The following TOP1 variants were observed in gnomAD, a reference collection of about 807,000 sequenced individuals.
The protein encoded by TOP1 is DNA topoisomerase I, also known as DNA topoisomerase 1.
A neutral mutation model predicts 111.1 loss-of-function variants in TOP1; 10 were observed. The ratio of observed to expected loss-of-function variants is 0.09; its 90% confidence interval spans 0.06 to 0.15. TOP1 has a LOEUF of 0.15. Ranked by LOEUF, TOP1 falls within the 10% of genes least tolerant of loss-of-function variation. The pLI, the probability that TOP1 is intolerant of heterozygous loss-of-function variation, is 1.00. For missense variants in TOP1, 474 were observed against 926.7 expected (o/e 0.51, Z 6.34); for synonymous variants, 271 against 302.9 (o/e 0.89, Z 1.10).
chr20:41,041,553 T>C (rs2033265080), intron 2 of TOP1, among the ~76,000 whole-genome samples: 1 of 152,076 alleles, frequency 6.6e-6, no homozygotes, highest in African/African-American at 2.4e-5. Context: ...CCCCAGCTGG[T>C]TGAAGATCAA....
intron 4 of TOP1, among the ~76,000 whole-genome samples, chr20:41,076,642 G>T (rs2033730557): frequency 6.6e-6 from 1 of 152,116 alleles, no homozygotes. Context: ...TAGTGATGCT[G>T]GTGTCTTTTG....
chr20:41,122,220 G>A lies in TOP1; in HGVS notation c.2195+65G>A, dbSNP rs916155846. ...AAGAAAGGTGGAGGGGGTTCCGAGA[G>A]CACTGGTGGCCTTCACATGCCATTC... is the stretch of plus-strand genomic sequence containing the variant. On this transcript the variant is annotated intron_variant, in intron 20 of 20. Transcript: ENST00000361337. The surrounding 1 kb of genome is among the most constrained non-coding windows in gnomAD (Gnocchi z 5.4). 5.8e-6 allele frequency: 9 copies of A among 1,550,632 alleles called. No individual in the cohort carries two copies. In the East Asian group the frequency reaches 2.0e-4, roughly 35 times the overall value.
intron 2 of TOP1, among the ~76,000 whole-genome samples, chr20:41,054,112 G>C (rs2033439078): frequency 6.6e-6 from 1 of 152,114 alleles, no homozygotes; most frequent in Non-Finnish European, 1.5e-5. Context: ...ATTTAGTAAA[G>C]GATACTGATA....
At position 41,029,344 on chromosome 20, in the gene TOP1, G is replaced by T; in HGVS notation, c.34-87G>T. The T allele has an allele frequency of 1.6e-6, 2 of 1,267,488 alleles. No individual in the cohort carries two copies. The highest frequency in any genetic ancestry group is 1.6e-5 in the South Asian group (1 of 61,074). 78.5% of individuals were successfully genotyped at this position (1,267,488 alleles called of 1,614,324 possible). A position where few individuals can be genotyped will look rare whatever the true frequency, so the allele number is the denominator to read the frequency against. On this transcript the variant is annotated intron_variant, in intron 1 of 20. Coordinates refer to ENST00000361337, the MANE Select transcript of TOP1 (RefSeq NM_003286.4). The surrounding 1 kb of genome is among the most constrained non-coding windows in gnomAD (Gnocchi z 6.1). The stretch of plus-strand genomic sequence containing the variant: ...GGTCCCCGTCCTCCCCGGGGGCGCA[G>T]GGTGAGCCAGACCCCGGCCGCGCGC...
At chr20:41,091,441 AAT>A (rs2145945289) in intron 8 of TOP1, among the ~76,000 whole-genome samples, 1 of 152,262 alleles carries the variant, frequency 6.6e-6, no homozygotes, top group Admixed American at 6.5e-5. Flanking sequence ...TATGTGGAAG[AAT>A]ATTATTTTTA....
Position 41,114,464 on chromosome 20 carries a change from G to A in TOP1, c.1638+309G>A, listed in dbSNP as rs1015084328. Among the ~76,000 whole-genome samples the A allele has an allele frequency of 6.6e-6, 1 of 152,188 alleles. No individual in the cohort carries two copies. Among genetic ancestry groups the A allele is most frequent in the African/African-American group, 2.4e-5 (1 of 41,450 alleles). On this transcript the variant is annotated intron_variant, in intron 15 of 20. Coordinates refer to ENST00000361337, the MANE Select transcript of TOP1 (RefSeq NM_003286.4). This position sits in a 1 kb window ranked among gnomAD's most constrained non-coding sequence, Gnocchi z 4.5. ...ATAAAAATAAATGACTTGAAAGAGG[G>A]GAGAGGTATTATTTGATATCTTGTG...
Position 41,118,161 on chromosome 20 carries a change from C to G in TOP1, c.1823-8C>G. On this transcript the variant is annotated splice_polypyrimidine_tract_variant and splice_region_variant and intron_variant, in intron 17 of 20. Transcript: ENST00000361337. The surrounding 1 kb of genome is among the most constrained non-coding windows in gnomAD (Gnocchi z 4.6). The stretch of plus-strand genomic sequence containing the variant: ...GACCCTCTTGCTACCATGTTCCTTT[C>G]TTTACAGCGGATGAGAACATCCCAG... The G allele has an allele frequency of 6.2e-7, 1 of 1,613,150 alleles. No homozygotes were observed.
rs1318157264 is a variant in TOP1 at position 41,084,513 on chromosome 20, G to C, written c.559G>C (p.Glu187Gln). 1 of 1,580,758 alleles carries C rather than the reference G, an allele frequency of 6.3e-7. No homozygotes were observed. Among genetic ancestry groups the C allele is most frequent in the African/African-American group, 1.4e-5 (1 of 73,662 alleles). The change falls in exon 8 of 21, where the codon GAG (glutamate) becomes CAG (glutamine). Residue 187 changes from glutamate to glutamine, a missense_variant. This residue lies in a region of TOP1 where 185 missense variants were observed against 226.3 expected (regional missense o/e 0.82). Transcript: ENST00000361337. ...TAAAGATAAAGATAAAAAAGTTCCT[G>C]AGCCAGATAACAAGAAAAAGAAGCC... ...KNKDKDKKVP[E>Q]PDNKKKKPKK...
chr20:41,029,483 G>A lies in TOP1; in HGVS notation c.58+28G>A. 6.4e-7 allele frequency: 1 copy of A among 1,552,806 alleles called. No individual in the cohort carries two copies. The highest frequency in any genetic ancestry group is 2.0e-5 in the Admixed American group (1 of 50,982). On this transcript the variant is annotated intron_variant, in intron 2 of 20. Coordinates refer to ENST00000361337, the MANE Select transcript of TOP1 (RefSeq NM_003286.4). This position sits in a 1 kb window ranked among gnomAD's most constrained non-coding sequence, Gnocchi z 6.1. ...GAGTGTGCCCCCTGCGCCGACTCCG[G>A]GGCCCCCCAGCCGCCGGCCGCCTCC...
Position 41,067,932 on chromosome 20 carries a change from G to A in TOP1, c.155+6442G>A, listed in dbSNP as rs1262608966. 6.6e-6 allele frequency among the ~76,000 whole-genome samples: 1 copy of A among 152,184 alleles called. No homozygotes were observed. Among genetic ancestry groups the A allele is most frequent in the African/African-American group, 2.4e-5 (1 of 41,438 alleles). ...TAGGTATTAAGAATCATTTCATCTTGTCTTCTCTTTGTGTGGACAGGAGTC... is the reference window on the plus strand; with the variant it reads ...TAGGTATTAAGAATCATTTCATCTTATCTTCTCTTTGTGTGGACAGGAGTC... On this transcript the variant is annotated intron_variant, in intron 3 of 20. Coordinates refer to ENST00000361337, the MANE Select transcript of TOP1 (RefSeq NM_003286.4). The surrounding 1 kb of genome is among the most constrained non-coding windows in gnomAD (Gnocchi z 4.0).
chr20:41,080,021 C>T lies in TOP1; in HGVS notation c.336-64C>T, dbSNP rs1029809965. On this transcript the variant is annotated intron_variant, in intron 5 of 20. Transcript: ENST00000361337. This position sits in a 1 kb window ranked among gnomAD's most constrained non-coding sequence, Gnocchi z 5.0. Reference sequence around the variant, plus strand: ...TTCTTTTCAACGAAATGACATATTCCTTCTTTGTATTAATAGAATACAGAT... The same window carrying T: ...TTCTTTTCAACGAAATGACATATTCTTTCTTTGTATTAATAGAATACAGAT... 1.0e-6 allele frequency: 1 copy of T among 956,048 alleles called. No individual in the cohort carries two copies. Among genetic ancestry groups the T allele is most frequent in the Non-Finnish European group, 1.7e-6 (1 of 603,580 alleles). 59.2% of individuals were successfully genotyped at this position (956,048 alleles called of 1,614,324 possible).
intron 8 of TOP1, among the ~76,000 whole-genome samples, chr20:41,088,284 G>A (rs2145943127): frequency 1.3e-5 from 2 of 152,320 alleles, no homozygotes; most frequent in East Asian, 1.9e-4. Flanking sequence ...AGATCACGAG[G>A]TCAGTAGATC....
intron 13 of TOP1, among the ~76,000 whole-genome samples, chr20:41,104,137 C>G (rs964516185): frequency 6.6e-6 from 1 of 152,136 alleles, no homozygotes; most frequent in African/African-American, 2.4e-5. Flanking sequence ...GAGGAGCATA[C>G]GCTCTAAGAA....
intron 18 of TOP1, among the ~76,000 whole-genome samples, chr20:41,119,555 G>GT (rs1382328576): frequency 1.3e-5 from 2 of 152,194 alleles, no homozygotes; most frequent in Non-Finnish European, 2.9e-5. Context: ...TACAACTGGA[G>GT]TTTAAGAACT....
rs146471471 is a variant in TOP1, at chr20:41,078,273, A to G, written c.335+636A>G. ...TATAATTTTGTTTTCCTCAGCCTCAATTTCCTAAAATAAGCCCAGAGGTCC... is the reference window on the plus strand; with the variant it reads ...TATAATTTTGTTTTCCTCAGCCTCAGTTTCCTAAAATAAGCCCAGAGGTCC... On this transcript the variant is annotated intron_variant, in intron 5 of 20. Coordinates refer to ENST00000361337, the MANE Select transcript of TOP1 (RefSeq NM_003286.4). The surrounding 1 kb of genome is among the most constrained non-coding windows in gnomAD (Gnocchi z 5.3). 5.6e-4 allele frequency among the ~76,000 whole-genome samples: 85 copies of G among 152,280 alleles called. No individual in the cohort carries two copies. The highest frequency in any genetic ancestry group is 6.8e-3 in the Middle Eastern group (2 of 294).
In TOP1 at chr20:41,116,251, C is replaced by G. The variant is rs756118972; in HGVS notation, c.1708-27C>G. ...AAGGAGCAGGTAGTATAGCTTTGAC[C>G]TAAATCTGTTGCTTTGTCTCCTCCA... On this transcript the variant is annotated intron_variant, in intron 16 of 20. Coordinates refer to ENST00000361337, the MANE Select transcript of TOP1 (RefSeq NM_003286.4). The surrounding 1 kb of genome is among the most constrained non-coding windows in gnomAD (Gnocchi z 5.6). The G allele has an allele frequency of 2.0e-6, 3 of 1,536,382 alleles. No individual in the cohort carries two copies. The highest frequency in any genetic ancestry group is 4.5e-5 in the East Asian group (2 of 44,484).
chr20:41,067,989 G>A lies in TOP1; in HGVS notation c.155+6499G>A, dbSNP rs142224631. Among the ~76,000 whole-genome samples, 403 of 152,330 alleles carry A rather than the reference G, an allele frequency of 2.6e-3. 1 individual carries two copies. Among genetic ancestry groups the A allele is most frequent in the Non-Finnish European group, 3.5e-3 (237 of 68,016 alleles). On this transcript the variant is annotated intron_variant, in intron 3 of 20. Transcript: ENST00000361337. The surrounding 1 kb of genome is among the most constrained non-coding windows in gnomAD (Gnocchi z 4.0). ...CACATGCTCTAAGTCCCACAGTGAT[G>A]TGGTAGCAGAAAGAAGAGGATGTGA...
intron 8 of TOP1, among the ~76,000 whole-genome samples, chr20:41,085,960 G>A (rs1490727043): frequency 6.6e-6 from 1 of 152,104 alleles, no homozygotes; most frequent in African/African-American, 2.4e-5. Flanking sequence ...TCTTTCTAGA[G>A]GTCAGAGTCA....
At chr20:41,086,469 TACTC>T (rs1260829072) in intron 8 of TOP1, among the ~76,000 whole-genome samples, 1 of 152,232 alleles carries the variant, frequency 6.6e-6, no homozygotes, top group Non-Finnish European at 1.5e-5. Context: ...CTGTGGTAGT[TACTC>T]AATAAATGCT....
Sources: allele counts gnomAD v4.1 joint callset (sites outside exome capture counted in the v4.1 genomes callset), GRCh38; gene constraint gnomAD v4.1.1; regional missense constraint gnomAD v4.1.1; non-coding constraint Gnocchi (gnomAD v3.1); transcripts MANE v1.5; gene names NCBI Gene and HGNC (gene_info 2026-07-23, HGNC 2026-07-21).